NPLOC4: variants seen among roughly 807,000 people sequenced by gnomAD.
NPLOC4 encodes nuclear protein localization protein 4 homolog.
A neutral mutation model predicts 80.6 loss-of-function variants in NPLOC4; 18 were observed. The observed-to-expected ratio is 0.22, with a 90% confidence interval of 0.15 to 0.33. The LOEUF (loss-of-function observed/expected upper bound fraction) is 0.33, where lower values mean the gene tolerates loss of function less well. Among genes scored for constraint, NPLOC4 ranks in the 10% least tolerant of loss-of-function variants. The probability of loss-of-function intolerance (pLI) is 1.00; values close to 1 mark genes in which losing one functional copy is unlikely to be tolerated. For synonymous variants in NPLOC4, 313 were observed against 301.5 expected, an observed-to-expected ratio of 1.04 and a Z score of -0.39; for missense variants, 540 against 786.1, an observed-to-expected ratio of 0.69 and a Z score of 3.74.
chr17:81,567,644 C>T lies in NPLOC4; in HGVS notation c.1450-111G>A, dbSNP rs2034048116. On this transcript the variant is annotated intron_variant, in intron 14 of 16. Transcript: ENST00000331134. This position sits in a 1 kb window ranked among gnomAD's most constrained non-coding sequence, Gnocchi z 4.5. ...ACTCAATACACTGAATGCTGAGACA[C>T]CTCTCCCTCTGCCTCTGCAACCACG... The T allele has an allele frequency of 1.5e-6, 1 of 669,222 alleles. No individual in the cohort carries two copies. The highest frequency in any genetic ancestry group is 2.7e-6 in the Non-Finnish European group (1 of 372,230). The allele number at this position is 669,222 out of a possible 1,614,324, so 41.5% of individuals were successfully genotyped here.
intron 11 of NPLOC4, among the ~76,000 whole-genome samples, chr17:81,590,214 G>T (rs1168019902): frequency 6.6e-6 from 1 of 152,214 alleles, no homozygotes; most frequent in Non-Finnish European, 1.5e-5. Context: ...AGACCTGGGA[G>T]CCCAGCTCCT....
At position 81,613,361 on chromosome 17, in the gene NPLOC4, T is replaced by A; in HGVS notation, c.343A>T (p.Ser115Cys). 1 of 1,614,002 alleles carries A rather than the reference T, an allele frequency of 6.2e-7. No individual in the cohort carries two copies. Among genetic ancestry groups the A allele is most frequent in the Non-Finnish European group, 8.5e-7 (1 of 1,179,884 alleles). The change falls in exon 4 of 17, where the codon AGC (serine) becomes TGC (cysteine). Residue 115 changes from serine (S) to cysteine (C), a missense_variant. Physicochemically the swap from Ser to Cys is moderately radical, Grantham distance 112. Coordinates refer to ENST00000331134, the MANE Select transcript of NPLOC4 (RefSeq NM_017921.4). ...CTGTAAATCTTCCCGTCCTGTTTGC[T>A]GAGGTACTGATCAATCTCATCCTCC... ...VVEDEIDQYL[S>C]KQDGKIYRSR... is the part of the protein sequence containing the mutation.
rs1037616684 is a variant in NPLOC4, at chr17:81,637,017, C to T, written c.-87G>A. On this transcript the variant is annotated 5_prime_UTR_variant, in exon 1 of 17. Coordinates refer to ENST00000331134, the MANE Select transcript of NPLOC4 (RefSeq NM_017921.4). ...CTCGCAGACCCGGCCGCGGCCTCAG[C>T]CCCGGCCCCGGCCTCCCTACGCCGC... The T allele has an allele frequency of 1.2e-6, 1 of 838,478 alleles. No individual in the cohort carries two copies. Among genetic ancestry groups the T allele is most frequent in the Non-Finnish European group, 1.6e-6 (1 of 642,612 alleles). 51.9% of individuals were successfully genotyped at this position (838,478 alleles called of 1,614,324 possible).
At chr17:81,618,096 G>C (rs934393536) in intron 3 of NPLOC4, among the ~76,000 whole-genome samples, 1 of 152,126 alleles carries the variant, frequency 6.6e-6, no homozygotes, top group Non-Finnish European at 1.5e-5. Context: ...GGGAAGTGAG[G>C]AGCCTCTCTG....
intron 4 of NPLOC4, among the ~76,000 whole-genome samples, 165 bp from the exon 5 acceptor site, chr17:81,610,423 GT>G (rs1184598813): frequency 1.3e-5 from 2 of 152,072 alleles, no homozygotes; most frequent in Non-Finnish European, 2.9e-5. Flanking sequence ...TTGTTGTTTT[GT>G]TTTGTTTAAA....
chr17:81,627,477 C>T (rs990823477), intron 2 of NPLOC4, among the ~76,000 whole-genome samples: 9 of 151,908 alleles, frequency 5.9e-5, no homozygotes, highest in Non-Finnish European at 8.8e-5. Context: ...CAGTGGCTCA[C>T]GCCTGTAACC....
At chr17:81,605,096 T>A (rs1010953210) in intron 7 of NPLOC4, among the ~76,000 whole-genome samples, 4 of 151,542 alleles carry the variant, frequency 2.6e-5, no homozygotes, top group African/African-American at 9.7e-5. Context: ...CCGTCTCTAT[T>A]TTTTTTGTAT....
chr17:81,571,162 C>T (rs968389974), intron 13 of NPLOC4, among the ~76,000 whole-genome samples: 4 of 152,136 alleles, frequency 2.6e-5, no homozygotes, highest in Admixed American at 2.6e-4. Context: ...TCGTGGGGAC[C>T]TGCTGTTCCG....
At chr17:81,601,011 C>A (rs1378948964) in intron 8 of NPLOC4, among the ~76,000 whole-genome samples, 2 of 152,224 alleles carry the variant, frequency 1.3e-5, no homozygotes, top group Non-Finnish European at 2.9e-5. Flanking sequence ...AAATCAACCA[C>A]CTCCTTTCAT....
chr17:81,562,559 C>G (rs1255233888), intron 16 of NPLOC4: 1 of 151,656 alleles, frequency 6.6e-6, no homozygotes, highest in Non-Finnish European at 1.5e-5. Flanking sequence ...AACAAAAAAC[C>G]CATGAAAAAA....
At position 81,559,389 on chromosome 17, in the gene NPLOC4, A is replaced by G. The variant is rs749950444; in HGVS notation, c.1697T>C (p.Leu566Pro). 14 of 1,610,622 alleles carry G rather than the reference A, an allele frequency of 8.7e-6. No individual in the cohort carries two copies. The highest frequency in any genetic ancestry group is 1.2e-5 in the Non-Finnish European group (14 of 1,178,714). ...CSTVGGQLPG[L>P]HEYGAVGGST... ...GCCCCCGACGGCGCCGTACTCATGG[A>G]GACCTGGGAGCTGCCCGCCAACTGT... The change falls in exon 17 of 17, where the codon CTC becomes CCC. Residue 566 changes from leucine (L) to proline (P), a missense_variant. This residue lies in a region of NPLOC4 where 87 missense variants were observed against 70.3 expected (regional missense o/e 1.24). Coordinates refer to ENST00000331134, the MANE Select transcript of NPLOC4 (RefSeq NM_017921.4).
intron 8 of NPLOC4, among the ~76,000 whole-genome samples, chr17:81,603,782 G>A (rs1417601097): frequency 6.6e-6 from 1 of 152,002 alleles, no homozygotes; most frequent in African/African-American, 2.4e-5. Flanking sequence ...AGACATAAAT[G>A]TACTTCTCCC....
chr17:81,621,686 A>G (rs1010627531), intron 3 of NPLOC4, among the ~76,000 whole-genome samples: 1 of 152,178 alleles, frequency 6.6e-6, no homozygotes, highest in African/African-American at 2.4e-5. Context: ...CTGTGTTCCA[A>G]TAACACTTTA....
At chr17:81,574,046 T>G (rs1161458324) in intron 12 of NPLOC4, among the ~76,000 whole-genome samples, 2 of 152,136 alleles carry the variant, frequency 1.3e-5, no homozygotes, top group Non-Finnish European at 2.9e-5. Flanking sequence ...CCAAAAGAGG[T>G]GGTTTCTCAA....
intron 12 of NPLOC4, among the ~76,000 whole-genome samples, chr17:81,578,245 G>A (rs1185250806): frequency 2.0e-5 from 3 of 152,194 alleles, no homozygotes; most frequent in African/African-American, 4.8e-5. Context: ...CCGGGTGCAT[G>A]CTGTGCTCTC....
intron 1 of NPLOC4, among the ~76,000 whole-genome samples, chr17:81,635,293 C>T (rs1300730208): frequency 5.4e-5 from 8 of 148,628 alleles, no homozygotes; most frequent in African/African-American, 1.8e-4. Flanking sequence ...AAGCAGAGAT[C>T]GCACCACTGA....
Position 81,631,460 on chromosome 17 carries a change from TTTC to T in NPLOC4, c.16-1658_16-1656del, listed in dbSNP as rs1219365253. On this transcript the variant is annotated intron_variant, in intron 1 of 16. Transcript: ENST00000331134. ...TATTTTTTTTTTTTTTTTTTTTTTT[TTTC>T]CCCCACGGCAAGCCTAAAAAGGTTG... Among the ~76,000 whole-genome samples, 76 of 34,092 alleles carry T rather than the reference TTTC, an allele frequency of 2.2e-3. No homozygotes were observed. The East Asian group carries it at 0.035, about 16-fold the overall frequency. 22.4% of individuals were successfully genotyped at this position (34,092 alleles called of 152,430 possible).
chr17:81,621,125 G>GAAAGA (rs1231604808), intron 3 of NPLOC4, among the ~76,000 whole-genome samples: 6 of 149,652 alleles, frequency 4.0e-5, no homozygotes, highest in Non-Finnish European at 7.4e-5. Flanking sequence ...AGGAAGGAAG[G>GAAAGA]AAAGAAAAGA....
chr17:81,564,858 A>T (rs1018596248), intron 16 of NPLOC4: 34 of 162,708 alleles, frequency 2.1e-4, no homozygotes, highest in Middle Eastern at 2.8e-3. Context: ...GTGTTAACAG[A>T]AGGATTCTAG....
Sources: gnomAD v4.1 joint callset for allele counts (sites outside exome capture counted in the v4.1 genomes callset) on GRCh38, gnomAD v4.1.1 for gene constraint, gnomAD v4.1.1 regional missense constraint, Gnocchi (gnomAD v3.1) non-coding constraint, MANE v1.5 for transcripts, NCBI Gene and HGNC (gene_info 2026-07-23, HGNC 2026-07-21) for gene names.